Variants in PCM1 observed in about 807,000 individuals in gnomAD.
PCM1 encodes the protein pericentriolar material 1, also known as pericentriolar material 1 protein.
PCM1 carries 157 observed loss-of-function variants against 241.9 expected under a neutral mutation model. The ratio of observed to expected loss-of-function variants is 0.65; its 90% CI spans 0.57 to 0.74. PCM1 has a LOEUF of 0.74. Ranked by LOEUF, PCM1 falls within the 30% of genes least tolerant of loss-of-function variation. The pLI, the probability that PCM1 is intolerant of heterozygous loss-of-function variation, is 0.00. For synonymous variants in PCM1, 1,085 were observed against 784.9 expected (o/e 1.38, Z -6.39); for missense variants, 3,478 against 2,360.1 (o/e 1.47, Z -9.81).
chr8:18,018,856 A>G (rs1283606001), intron 36 of PCM1, among the ~76,000 whole-genome samples: 498 of 28,848 alleles, frequency 0.017, 8 homozygotes, highest in African/African-American at 0.05. Flanking sequence ...GTGTGTGTAT[A>G]TATATATATA....
chr8:18,016,785 C>T (rs1039997167), intron 36 of PCM1, among the ~76,000 whole-genome samples: 4 of 152,204 alleles, frequency 2.6e-5, no homozygotes, highest in African/African-American at 9.6e-5. Context: ...CACAATTACC[C>T]TTTCACTCTG....
At chr8:17,979,674 C>G (rs969307059) in intron 23 of PCM1, among the ~76,000 whole-genome samples, 1 of 152,124 alleles carries the variant, frequency 6.6e-6, no homozygotes, top group African/African-American at 2.4e-5. Flanking sequence ...TAACCATGTT[C>G]TTAAGATGGA....
At chr8:17,960,803 C>T (rs1332891741) in intron 15 of PCM1, among the ~76,000 whole-genome samples, 1 of 151,770 alleles carries the variant, frequency 6.6e-6, no homozygotes, top group Non-Finnish European at 1.5e-5. Context: ...GGATTACAGG[C>T]GCGAGAAACT....
intron 29 of PCM1, among the ~76,000 whole-genome samples, chr8:17,997,665 T>C (rs1475766854): frequency 6.6e-6 from 1 of 152,172 alleles, no homozygotes; most frequent in Non-Finnish European, 1.5e-5. Context: ...TTTTCAACTC[T>C]AGAATTTCTG....
At chr8:17,964,183 G>T (rs1445612476) in intron 17 of PCM1, among the ~76,000 whole-genome samples, 3 of 152,098 alleles carry the variant, frequency 2.0e-5, no homozygotes, top group Admixed American at 2.0e-4. Context: ...GTGCTCAGTA[G>T]CCATGTGTAC....
chr8:17,931,171 C>T (rs2058901468), intron 2 of PCM1, among the ~76,000 whole-genome samples: 1 of 152,084 alleles, frequency 6.6e-6, no homozygotes, highest in Non-Finnish European at 1.5e-5. Context: ...GTTTTAGAAA[C>T]TTATTTTAGT....
intron 18 of PCM1, among the ~76,000 whole-genome samples, chr8:17,965,219 C>T (rs118177053): frequency 0.017 from 2,574 of 152,286 alleles, 40 homozygotes; most frequent in South Asian, 0.042. Flanking sequence ...CCACCCTCCC[C>T]AGCACTTTGA....
At chr8:18,013,826 T>TGAAATAGTTTTAGAA in intron 34 of PCM1, 138 bp from the exon 35 acceptor site, 1 of 608,742 alleles carries the variant, frequency 1.6e-6, no homozygotes, top group South Asian at 2.2e-5. Flanking sequence ...GCCGCCTCCT[T>TGAAATAGTTTTAGAA]GAAATAGTTT....
rs185103541 is a variant in PCM1 at position 18,026,121 on chromosome 8, G to A, written c.6049+463G>A. 8.4e-4 allele frequency among the ~76,000 whole-genome samples: 91 copies of A among 108,214 alleles called. 1 individual carries two copies. In the East Asian group the frequency reaches 0.028, roughly 34 times the overall value. The allele number at this position is 108,214 out of a possible 152,430, so 71.0% of individuals were successfully genotyped here. On this transcript the variant is annotated intron_variant, in intron 38 of 38. Coordinates refer to ENST00000325083, the MANE Select transcript of PCM1 (RefSeq NM_006197.4). Reference sequence around the variant, plus strand: ...GGGGCTTGCGGTGAGCTGAGATAGCGCCACTGCACTCCGGCCTGGGTGAAA... The same window carrying A: ...GGGGCTTGCGGTGAGCTGAGATAGCACCACTGCACTCCGGCCTGGGTGAAA...
At chr8:17,964,387 CAT>C (rs1440106669) in intron 17 of PCM1, among the ~76,000 whole-genome samples, 179 bp from the exon 18 acceptor site, 1 of 152,186 alleles carries the variant, frequency 6.6e-6, no homozygotes, top group Non-Finnish European at 1.5e-5. Flanking sequence ...GCAAACTAAA[CAT>C]ATTCTGTATA....
intron 13 of PCM1, among the ~76,000 whole-genome samples, chr8:17,959,809 AT>A (rs1019670121): frequency 2.0e-5 from 3 of 152,164 alleles, no homozygotes; most frequent in Admixed American, 6.5e-5. Context: ...AAGAAGAGTT[AT>A]TGAGGTGAGA....
chr8:17,923,385 C>T (rs533796544), intron 1 of PCM1, among the ~76,000 whole-genome samples, 197 bp downstream of exon 1: 4 of 152,340 alleles, frequency 2.6e-5, no homozygotes, highest in South Asian at 2.1e-4. Flanking sequence ...GGACTGATCG[C>T]CGGGATCCCC....
chr8:18,025,266 GT>G, intron 36 of PCM1, 94 bp from the exon 37 acceptor site: 1 of 649,514 alleles, frequency 1.5e-6, no homozygotes, highest in Non-Finnish European at 2.7e-6. Context: ...AAAACGAAAT[GT>G]GATAGAATTA....
rs1464494144 is a variant in PCM1 at position 17,925,095 on chromosome 8, C to T, written c.-23+315C>T. On this transcript the variant is annotated intron_variant, in intron 2 of 38. Coordinates refer to ENST00000325083, the MANE Select transcript of PCM1 (RefSeq NM_006197.4). Reference sequence around the variant, plus strand: ...AATTTGTCCTATAACTGGATAGCCTCTCTTTCCAAATCCATTTAATCTCAA... The same window carrying T: ...AATTTGTCCTATAACTGGATAGCCTTTCTTTCCAAATCCATTTAATCTCAA... The T allele has an allele frequency of 2.0e-5, 3 of 152,236 alleles. No individual in the cohort carries two copies. The East Asian group carries it at 5.8e-4, about 29-fold the overall frequency. The allele number at this position is 152,236 out of a possible 1,614,324, so 9.4% of individuals were successfully genotyped here.
chr8:17,956,445 C>A (rs1305311870), intron 10 of PCM1, among the ~76,000 whole-genome samples, 159 bp from the exon 11 acceptor site: 1 of 152,122 alleles, frequency 6.6e-6, no homozygotes, highest in Non-Finnish European at 1.5e-5. Flanking sequence ...TTGGCATTAA[C>A]CTCATTATTT....
intron 16 of PCM1, 165 bp downstream of exon 16, chr8:17,962,339 TATA>T (rs1255283119): frequency 2.9e-6 from 1 of 346,058 alleles, no homozygotes; most frequent in Non-Finnish European, 5.1e-6. Flanking sequence ...TGTAATAGAT[TATA>T]ATAATATAAG....
At chr8:18,014,909 T>G in intron 36 of PCM1, 69 bp downstream of exon 36, 1 of 1,357,308 alleles carries the variant, frequency 7.4e-7, no homozygotes, top group Non-Finnish European at 1.0e-6. Flanking sequence ...ATTTTCAGAT[T>G]AGCATTCTCC....
chr8:18,028,267 G>C lies in PCM1; in HGVS notation c.*605G>C. On this transcript the variant is annotated 3_prime_UTR_variant, in exon 39 of 39. Transcript: ENST00000325083. ...GAATATTTATTAATCCATTGAAATTGGATAATAAGTTTAGAACATAGGTTC... is the reference window on the plus strand; with the variant it reads ...GAATATTTATTAATCCATTGAAATTCGATAATAAGTTTAGAACATAGGTTC... The C allele has an allele frequency of 5.3e-6, 1 of 187,002 alleles. No individual in the cohort carries two copies. The highest frequency in any genetic ancestry group is 1.1e-5 in the Non-Finnish European group (1 of 88,708). 11.6% of individuals were successfully genotyped at this position (187,002 alleles called of 1,614,324 possible).
intron 29 of PCM1, among the ~76,000 whole-genome samples, chr8:17,999,519 T>C (rs13258901): frequency 0.49 from 74,902 of 151,706 alleles, 20,644 homozygotes; most frequent in Non-Finnish European, 0.64. Flanking sequence ...TAGCTGTGGC[T>C]GAGCTGGTAT....
Sources: allele counts gnomAD v4.1 joint callset (sites outside exome capture counted in the v4.1 genomes callset), GRCh38; gene constraint gnomAD v4.1.1; transcripts MANE v1.5; gene names NCBI Gene and HGNC (gene_info 2026-07-23, HGNC 2026-07-21).